ATP11A: variants seen among roughly 807,000 people sequenced by gnomAD.
ATP11A encodes the protein ATPase phospholipid transporting 11A, also known as phospholipid-transporting ATPase IH.
In ATP11A, 81 loss-of-function variants were observed where a neutral mutation model predicts 154.4. The observed-to-expected ratio is 0.52, with a 90% CI of 0.44 to 0.63. ATP11A has a LOEUF of 0.63. Among genes scored for constraint, ATP11A ranks in the 30% least tolerant of loss-of-function variants. The pLI is 0.00. For missense variants in ATP11A, 1,316 were observed against 1,474.3 expected, an observed-to-expected ratio of 0.89 and a Z score of 1.76; for synonymous variants, 623 against 585.9, an observed-to-expected ratio of 1.06 and a Z score of -0.91.
rs1224165899 is a variant in ATP11A, at chr13:112,690,723, C to A, written c.39+268C>A. Among the ~76,000 whole-genome samples the A allele has an allele frequency of 6.6e-6, 1 of 152,104 alleles. No homozygotes were observed. The highest frequency in any genetic ancestry group is 6.5e-5 in the Admixed American group (1 of 15,286). On this transcript the variant is annotated intron_variant, in intron 1 of 29. Transcript: ENST00000375645. The surrounding 1 kb of genome is among the most constrained non-coding windows in gnomAD (Gnocchi z 5.6). ...CCCTGGCCGCGGCCGCCTGGCGCCC[C>A]CTTCCCGCCCGCAGCGCCCTGGGGG...
At chr13:112,755,918 C>T (rs1459057213) in intron 1 of ATP11A, among the ~76,000 whole-genome samples, 2 of 115,872 alleles carry the variant, frequency 1.7e-5, no homozygotes, top group East Asian at 2.5e-4. Flanking sequence ...GTCACGGAAG[C>T]GGCACTCAGA....
chr13:112,813,900 T>C (rs1402418524), intron 5 of ATP11A, among the ~76,000 whole-genome samples: 1 of 152,176 alleles, frequency 6.6e-6, no homozygotes, highest in Non-Finnish European at 1.5e-5. Flanking sequence ...TCTAGCTGGA[T>C]TCTTTGAGCT....
In ATP11A at chr13:112,838,183, CTG is replaced by C. The variant is rs775560064; in HGVS notation, c.1705+1938_1705+1939del. 6.6e-6 allele frequency among the ~76,000 whole-genome samples: 1 copy of C among 152,190 alleles called. No individual in the cohort carries two copies. The highest frequency in any genetic ancestry group is 1.5e-5 in the Non-Finnish European group (1 of 68,026). ...GAACAGGTTCAGATGCGCGAGACTT[CTG>C]TGTGTCAGAACCCTTCCCCCCGGCT... On this transcript the variant is annotated intron_variant, in intron 16 of 29. Coordinates refer to ENST00000375645, the MANE Select transcript of ATP11A (RefSeq NM_015205.3). The surrounding 1 kb of genome is among the most constrained non-coding windows in gnomAD (Gnocchi z 7.3).
chr13:112,777,694 T>C (rs1021974477), intron 1 of ATP11A, among the ~76,000 whole-genome samples: 3 of 152,254 alleles, frequency 2.0e-5, no homozygotes, highest in Non-Finnish European at 4.4e-5. Flanking sequence ...GCTGCCCCTC[T>C]GCGAAGCCCC....
chr13:112,751,929 G>A (rs1036771026), intron 1 of ATP11A, among the ~76,000 whole-genome samples: 5 of 152,190 alleles, frequency 3.3e-5, no homozygotes, highest in Admixed American at 2.0e-4. Flanking sequence ...ACACACATGC[G>A]TGTGTGTAAA....
intron 2 of ATP11A, among the ~76,000 whole-genome samples, chr13:112,796,842 T>C (rs1021257178): frequency 6.6e-6 from 1 of 151,876 alleles, no homozygotes; most frequent in Non-Finnish European, 1.5e-5. Context: ...TAATACAGGC[T>C]GCTCAGAGAC....
chr13:112,695,936 G>A (rs1885744538), intron 1 of ATP11A, among the ~76,000 whole-genome samples: 1 of 152,210 alleles, frequency 6.6e-6, no homozygotes, highest in South Asian at 2.1e-4. Context: ...AAGAAGATCA[G>A]ATAAGGGATG....
At position 112,690,410 on chromosome 13, in the gene ATP11A, A is replaced by G; in HGVS notation, c.-7A>G. On this transcript the variant is annotated 5_prime_UTR_variant, in exon 1 of 30. Transcript: ENST00000375645. This position sits in a 1 kb window ranked among gnomAD's most constrained non-coding sequence, Gnocchi z 5.6. Reference sequence around the variant, plus strand: ...TGAACGGCGGAGCGGGAGCGGCCGGAGGAGCCATGGACTGCAGCCTCGTGC... The same window carrying G: ...TGAACGGCGGAGCGGGAGCGGCCGGGGGAGCCATGGACTGCAGCCTCGTGC... 7.6e-7 allele frequency: 1 copy of G among 1,307,536 alleles called. No homozygotes were observed. Among genetic ancestry groups the G allele is most frequent in the Non-Finnish European group, 9.7e-7 (1 of 1,027,822 alleles). The allele number at this position is 1,307,536 out of a possible 1,614,324, so 81.0% of individuals were successfully genotyped here.
chr13:112,767,801 C>G (rs140421763), intron 1 of ATP11A, among the ~76,000 whole-genome samples: 22 of 152,142 alleles, frequency 1.4e-4, no homozygotes, highest in African/African-American at 4.6e-4. Flanking sequence ...AGCGTGAGTG[C>G]GTCTGTGGTG....
Position 112,882,020 on chromosome 13 carries a change from C to T in ATP11A, c.*154C>T. 2.9e-6 allele frequency: 4 copies of T among 1,367,816 alleles called. No individual in the cohort carries two copies. The highest frequency in any genetic ancestry group is 3.9e-6 in the Non-Finnish European group (4 of 1,021,976). 84.7% of individuals were successfully genotyped at this position (1,367,816 alleles called of 1,614,324 possible). On this transcript the variant is annotated 3_prime_UTR_variant, in exon 30 of 30. Transcript: ENST00000375645. This position sits in a 1 kb window ranked among gnomAD's most constrained non-coding sequence, Gnocchi z 5.1. The stretch of plus-strand genomic sequence containing the variant: ...TTCCCATCACCACTGCAGTTCCATC[C>T]CAAGTCACAGCTGCCCTAGGTCCCG...
intron 1 of ATP11A, among the ~76,000 whole-genome samples, chr13:112,694,445 C>T (rs553577552): frequency 2.6e-5 from 4 of 152,234 alleles, no homozygotes; most frequent in East Asian, 1.9e-4. Flanking sequence ...AGAGGTAAAC[C>T]GGGCACCCTG....
In ATP11A at chr13:112,831,434, G is replaced by A. The variant is rs756569277; in HGVS notation, c.1281G>A (p.Lys427=). The change falls in exon 13 of 30, where the codon AAG becomes AAA. Residue 427 remains lysine (K), a synonymous_variant. Transcript: ENST00000375645. ...TCACGGAAAACAACATGGAGTTCAAGGAGTGCTGCATCGAAGGCCATGTCT... is the reference window on the plus strand; with the variant it reads ...TCACGGAAAACAACATGGAGTTCAAAGAGTGCTGCATCGAAGGCCATGTCT... ...GTLTENNMEF[K]ECCIEGHVYV... 106 of 1,614,082 alleles carry A rather than the reference G, an allele frequency of 6.6e-5. No individual in the cohort carries two copies. Among genetic ancestry groups the A allele is most frequent in the Non-Finnish European group, 8.8e-5 (104 of 1,180,040 alleles).
chr13:112,881,154 CT>C lies in ATP11A; in HGVS notation c.*10-721del, dbSNP rs76821084. The C allele has an allele frequency of 9.5e-3, 9,386 of 988,218 alleles. 228 individuals are homozygous for C. The highest frequency in any genetic ancestry group is 0.081 in the East Asian group (720 of 8,844). The allele number at this position is 988,218 out of a possible 1,614,324, so 61.2% of individuals were successfully genotyped here. ...TCCTGCCAGCATCCGCCGCTGCCCCCTGGTCTAAAAGTGGGCTGACCTGGGG... is the reference window on the plus strand; with the variant it reads ...TCCTGCCAGCATCCGCCGCTGCCCCCGGTCTAAAAGTGGGCTGACCTGGGG... On this transcript the variant is annotated intron_variant, in intron 29 of 29. Coordinates refer to ENST00000375645, the MANE Select transcript of ATP11A (RefSeq NM_015205.3).
At chr13:112,814,464 A>T (rs549235818) in intron 5 of ATP11A, among the ~76,000 whole-genome samples, 1 of 152,218 alleles carries the variant, frequency 6.6e-6, no homozygotes, top group South Asian at 2.1e-4. Context: ...TTTCTTTCTA[A>T]AAGTGTTATA....
chr13:112,737,678 A>G (rs1039141375), intron 1 of ATP11A, among the ~76,000 whole-genome samples: 1 of 152,158 alleles, frequency 6.6e-6, no homozygotes, highest in Non-Finnish European at 1.5e-5. Context: ...GAAACCTCGG[A>G]GGGTTTTGAG....
chr13:112,790,440 C>G (rs1433686429), intron 2 of ATP11A, among the ~76,000 whole-genome samples: 1 of 150,834 alleles, frequency 6.6e-6, no homozygotes. Flanking sequence ...CTGCTTAATT[C>G]ACACCGGGTA....
chr13:112,751,725 G>C (rs1204668974), intron 1 of ATP11A, among the ~76,000 whole-genome samples: 2 of 141,812 alleles, frequency 1.4e-5, no homozygotes, highest in African/African-American at 5.8e-5. Flanking sequence ...GCATACTGCA[G>C]ATAATCCCCC....
chr13:112,752,956 A>C (rs1249418276), intron 1 of ATP11A, among the ~76,000 whole-genome samples: 1 of 152,180 alleles, frequency 6.6e-6, no homozygotes, highest in Non-Finnish European at 1.5e-5. Context: ...GTATTCAATC[A>C]CATATGCTAC....
At chr13:112,710,378 C>T (rs1022171380) in intron 1 of ATP11A, among the ~76,000 whole-genome samples, 8 of 152,192 alleles carry the variant, frequency 5.3e-5, no homozygotes, top group African/African-American at 1.7e-4. Flanking sequence ...CAGTGTTTCC[C>T]GACAGGATGT....
Sources: allele counts gnomAD v4.1 joint callset (sites outside exome capture counted in the v4.1 genomes callset), GRCh38; gene constraint gnomAD v4.1.1; non-coding constraint Gnocchi (gnomAD v3.1); transcripts MANE v1.5; gene names NCBI Gene and HGNC (gene_info 2026-07-23, HGNC 2026-07-21).